MYLK4: variants seen among roughly 807,000 people sequenced by gnomAD.
MYLK4 encodes the protein myosin light chain kinase family member 4, also known as caMLCK like.
Under a neutral mutation model 48.1 loss-of-function variants are expected in MYLK4, and 46 were observed. The observed-to-expected ratio is 0.96, with a 90% CI of 0.75 to 1.22. MYLK4 has a LOEUF of 1.22. Among genes scored for constraint, MYLK4 ranks in the 50% most tolerant of loss-of-function variants. The pLI is 0.00. For synonymous variants in MYLK4, 170 were observed against 180.8 expected (o/e 0.94, Z 0.48); for missense variants, 451 against 486.1 (o/e 0.93, Z 0.68).
chr6:2,669,718 A>C (rs1421688506), intron 12 of MYLK4, among the ~76,000 whole-genome samples: 1 of 152,174 alleles, frequency 6.6e-6, no homozygotes, highest in Non-Finnish European at 1.5e-5. Context: ...TGGGGGCACG[A>C]GGGTCCTTTC....
At chr6:2,745,807 C>T (rs1582129503) in intron 2 of MYLK4, among the ~76,000 whole-genome samples, 1 of 151,864 alleles carries the variant, frequency 6.6e-6, no homozygotes, top group South Asian at 2.1e-4. Flanking sequence ...CATGCCTAGT[C>T]CCAGCTACTT....
chr6:2,688,622 T>C (rs539930356), intron 4 of MYLK4, among the ~76,000 whole-genome samples: 1 of 151,142 alleles, frequency 6.6e-6, no homozygotes, highest in South Asian at 2.1e-4. Flanking sequence ...TGGGTTTTTC[T>C]TTCTTTTAGA....
intron 10 of MYLK4, among the ~76,000 whole-genome samples, chr6:2,677,489 C>A: frequency 6.6e-6 from 1 of 152,190 alleles, no homozygotes; most frequent in Non-Finnish European, 1.5e-5. Context: ...AGGTATAAAG[C>A]CATCTGAAAC....
chr6:2,749,356 G>A lies in MYLK4; in HGVS notation c.-62C>T, dbSNP rs942465269. 2.9e-6 allele frequency: 4 copies of A among 1,361,428 alleles called. No homozygotes were observed. The highest frequency in any genetic ancestry group is 4.1e-6 in the Non-Finnish European group (4 of 975,544). The allele number at this position is 1,361,428 out of a possible 1,614,324, so 84.3% of individuals were successfully genotyped here. On this transcript the variant is annotated 5_prime_UTR_variant, in exon 2 of 13. Transcript: ENST00000274643. ...GTGGTTTTCGTCTCCCTCTGTCTCC[G>A]ATTTATAAATCAGGACACAATTATG...
the MYLK4 span, chr6:2,765,669 A>G: frequency 6.4e-7 from 1 of 1,552,584 alleles, no homozygotes; most frequent in Non-Finnish European, 8.6e-7. Flanking sequence ...TCGCAGCTGC[A>G]CCAGGTGCAG....
At chr6:2,770,036 A>G in the MYLK4 span, 1 of 1,570,592 alleles carries the variant, frequency 6.4e-7, no homozygotes. Context: ...GAGGAAAAGG[A>G]AGGAAGGGAT....
At chr6:2,770,151 C>G in the MYLK4 span, 1 of 1,614,206 alleles carries the variant, frequency 6.2e-7, no homozygotes, top group Non-Finnish European at 8.5e-7. Context: ...GAATGTGGGA[C>G]GATCACTCTG....
chr6:2,766,096 C>T, the MYLK4 span: 9 of 1,314,978 alleles, frequency 6.8e-6, no homozygotes, highest in Middle Eastern at 2.9e-4. Flanking sequence ...GCAGCTGGGA[C>T]GAGGCGGAGG....
upstream of MYLK4, among the ~76,000 whole-genome samples, chr6:2,751,218 A>T (rs1764279819): frequency 6.6e-6 from 1 of 152,154 alleles, no homozygotes; most frequent in African/African-American, 2.4e-5. Context: ...AGGATTATTT[A>T]AGTGCTCATT....
intron 8 of MYLK4, among the ~76,000 whole-genome samples, chr6:2,679,704 T>C (rs1761220443): frequency 6.6e-6 from 1 of 152,210 alleles, no homozygotes; most frequent in African/African-American, 2.4e-5. Flanking sequence ...GGAAAACTGA[T>C]ATAGTCATTG....
rs558087875 is a variant in MYLK4, at chr6:2,715,927, C to T, written c.160-23068G>A. Among the ~76,000 whole-genome samples, 7 of 152,340 alleles carry T rather than the reference C, an allele frequency of 4.6e-5. No individual in the cohort carries two copies. In the East Asian group the frequency reaches 7.7e-4, roughly 17 times the overall value. On this transcript the variant is annotated intron_variant, in intron 2 of 12. Coordinates refer to ENST00000274643, the MANE Select transcript of MYLK4 (RefSeq NM_001012418.5). ...CTGTTCCGTGCTGACCAGGATTCCACGGTTCCTCGTGCACTGCCACCACCC... is the reference window on the plus strand; with the variant it reads ...CTGTTCCGTGCTGACCAGGATTCCATGGTTCCTCGTGCACTGCCACCACCC...
chr6:2,670,935 G>A (rs550206650), intron 12 of MYLK4, among the ~76,000 whole-genome samples: 6 of 152,148 alleles, frequency 3.9e-5, no homozygotes, highest in African/African-American at 1.2e-4. Flanking sequence ...ATTGTCGTAA[G>A]GACTACCCCT....
intron 8 of MYLK4, 59 bp downstream of exon 8, chr6:2,680,162 G>C (rs1761236423): frequency 6.4e-7 from 1 of 1,573,854 alleles, no homozygotes; most frequent in Non-Finnish European, 8.7e-7. Context: ...GTTTGCAAAG[G>C]AAGGGCAACC....
At chr6:2,703,216 G>C (rs770031863) in intron 2 of MYLK4, among the ~76,000 whole-genome samples, 2 of 152,156 alleles carry the variant, frequency 1.3e-5, no homozygotes, top group Non-Finnish European at 1.5e-5. Flanking sequence ...TGGACTCCCA[G>C]TTATTAGTGT....
intron 1 of MYLK4, 36 bp from the exon 2 acceptor site, chr6:2,749,442 G>A (rs1158615628): frequency 1.2e-5 from 7 of 564,350 alleles, no homozygotes; most frequent in East Asian, 2.8e-5. Flanking sequence ...TTCTCATCAC[G>A]TATTCATGCA....
At chr6:2,732,988 G>A (rs570160428) in intron 2 of MYLK4, among the ~76,000 whole-genome samples, 1 of 152,192 alleles carries the variant, frequency 6.6e-6, no homozygotes, top group Non-Finnish European at 1.5e-5. Context: ...TTCTCAAGTC[G>A]ATTCAAGGAA....
the MYLK4 span, among the ~76,000 whole-genome samples, chr6:2,764,073 C>A: frequency 6.6e-6 from 1 of 152,126 alleles, no homozygotes; most frequent in African/African-American, 2.4e-5. Flanking sequence ...CGGAGGTTGC[C>A]GTGAGCTGAG....
chr6:2,745,498 T>A (rs1191604961), intron 2 of MYLK4, among the ~76,000 whole-genome samples: 1 of 152,246 alleles, frequency 6.6e-6, no homozygotes, highest in African/African-American at 2.4e-5. Context: ...TTAGATCTAG[T>A]TTATTATGGC....
chr6:2,739,966 C>T, intron 2 of MYLK4, among the ~76,000 whole-genome samples: 1 of 152,172 alleles, frequency 6.6e-6, no homozygotes, highest in East Asian at 1.9e-4. Context: ...GAGGGCAGGG[C>T]CAGGACTGGA....
Sources: gnomAD v4.1 joint callset for allele counts (sites outside exome capture counted in the v4.1 genomes callset) on GRCh38, gnomAD v4.1.1 for gene constraint, MANE v1.5 for transcripts, NCBI Gene and HGNC (gene_info 2026-07-23, HGNC 2026-07-21) for gene names.